The following ZNF235 variants were observed in gnomAD, a reference collection of about 807,000 sequenced individuals.
ZNF235 encodes zfp-93.
In ZNF235, 25 loss-of-function variants were observed where a neutral mutation model predicts 29.4. The ratio of observed to expected loss-of-function variants is 0.85; its 90% confidence interval spans 0.62 to 1.19. The LOEUF is 1.19. ZNF235 is among the 50% of genes most tolerant of loss of function. The probability of loss-of-function intolerance (pLI) is 0.00; values close to 1 mark genes in which losing one functional copy is unlikely to be tolerated. For synonymous variants in ZNF235, 300 were observed against 295.3 expected (o/e 1.02, Z -0.16); for missense variants, 788 against 885.0 (o/e 0.89, Z 1.39).
At chr19:44,303,368 C>A in intron 2 of ZNF235, 22 bp downstream of exon 2, 1 of 1,611,272 alleles carries the variant, frequency 6.2e-7, no homozygotes, top group South Asian at 1.1e-5. Context: ...TTTTAAGAAA[C>A]ACAAAGGCAA....
Position 44,288,527 on chromosome 19 carries a change from C to G in ZNF235, c.908G>C (p.Ser303Thr), listed in dbSNP as rs760119250. The G allele has an allele frequency of 6.2e-7, 1 of 1,614,096 alleles. No homozygotes were observed. Among genetic ancestry groups the G allele is most frequent in the Non-Finnish European group, 8.5e-7 (1 of 1,179,964 alleles). Residue 303 changes from serine (S) to threonine (T), a missense_variant, in exon 5 of 5, where the codon AGC becomes ACC. Transcript: ENST00000291182. ...ACTTTGTTGAACAGGAATACCTGAG[C>G]TATAACTGGTGTCCTTCTCATGTGT... ...CSTHEKDTSY[S>T]SGIPVQQSVR...
chr19:44,305,008 T>C lies in ZNF235; in HGVS notation c.-86A>G. The C allele has an allele frequency of 8.4e-6, 8 of 946,994 alleles. No individual in the cohort carries two copies. The highest frequency in any genetic ancestry group is 1.0e-5 in the Non-Finnish European group (8 of 794,850). 58.7% of individuals were successfully genotyped at this position (946,994 alleles called of 1,614,324 possible). Reference sequence around the variant, plus strand: ...TATCTCAGATCCGACCTCGCCTTCCTGGAGCGGAAGTGCCTCCGAGTGCCC... The same window carrying C: ...TATCTCAGATCCGACCTCGCCTTCCCGGAGCGGAAGTGCCTCCGAGTGCCC... On this transcript the variant is annotated 5_prime_UTR_variant, in exon 1 of 5. Transcript: ENST00000291182.
At chr19:44,289,463 C>T (rs1040906196) in intron 4 of ZNF235, 37 of 350,594 alleles carry the variant, frequency 1.1e-4, no homozygotes, top group Non-Finnish European at 1.8e-4. Context: ...ATGAGTCTTG[C>T]TGCCTGTGTG....
chr19:44,303,014 A>ATT (rs1975772805), intron 2 of ZNF235, among the ~76,000 whole-genome samples: 1 of 138,372 alleles, frequency 7.2e-6, no homozygotes, highest in Admixed American at 7.7e-5. Flanking sequence ...ATACGTATAT[A>ATT]TTTATATAAA....
intron 1 of ZNF235, chr19:44,304,742 G>C (rs1975805989): frequency 1.0e-6 from 1 of 985,362 alleles, no homozygotes; most frequent in Admixed American, 6.1e-5. Flanking sequence ...TGGCTGGTAG[G>C]TGCGTGAGGA....
chr19:44,302,085 A>C (rs571255879), intron 2 of ZNF235, among the ~76,000 whole-genome samples: 8 of 152,288 alleles, frequency 5.3e-5, no homozygotes, highest in African/African-American at 1.9e-4. Flanking sequence ...TTGAAACTAA[A>C]ATTACTTTCT....
Position 44,287,945 on chromosome 19 carries a change from C to A in ZNF235, c.1490G>T (p.Ser497Ile). The change falls in exon 5 of 5, where the codon AGT becomes ATT. Residue 497 changes from serine (S) to isoleucine (I), a missense_variant. Ser to Ile is a moderately radical substitution (Grantham distance 142). Coordinates refer to ENST00000291182, the MANE Select transcript of ZNF235 (RefSeq NM_004234.4). ...YKCEECGKGF[S>I]SASSFQSHQR... ...ATGGCTCTGGAAACTTGAGGCTGAA[C>A]TAAAACCCTTACCACACTCTTCACA... 6.2e-7 allele frequency: 1 copy of A among 1,614,082 alleles called. No homozygotes were observed.
intron 2 of ZNF235, among the ~76,000 whole-genome samples, chr19:44,300,900 T>A (rs1599893171): frequency 1.3e-5 from 2 of 150,386 alleles, no homozygotes; most frequent in African/African-American, 2.5e-5. Flanking sequence ...TAAAAAAATA[T>A]ATATACCTTT....
chr19:44,299,832 C>T, intron 2 of ZNF235, 100 bp from the exon 3 acceptor site: 2 of 1,586,842 alleles, frequency 1.3e-6, no homozygotes, highest in Non-Finnish European at 1.7e-6. Context: ...CTTCCACAAT[C>T]ACACCAAAAA....
intron 4 of ZNF235, among the ~76,000 whole-genome samples, chr19:44,291,994 ATTC>A (rs1376856804): frequency 2.0e-5 from 3 of 152,274 alleles, no homozygotes; most frequent in Middle Eastern, 3.4e-3. Flanking sequence ...TATTTATAAA[ATTC>A]TTAACAAAAT....
At chr19:44,303,616 C>T (rs1198368262) in intron 1 of ZNF235, among the ~76,000 whole-genome samples, 164 bp from the exon 2 acceptor site, 1 of 152,194 alleles carries the variant, frequency 6.6e-6, no homozygotes, top group Non-Finnish European at 1.5e-5. Flanking sequence ...CCCTCGGCCC[C>T]CTCAACCAGC....
chr19:44,297,683 G>A (rs998475217), intron 4 of ZNF235, among the ~76,000 whole-genome samples: 1 of 151,986 alleles, frequency 6.6e-6, no homozygotes, highest in South Asian at 2.1e-4. Flanking sequence ...GGCTGGTCTC[G>A]AACTCCCGAC....
chr19:44,299,979 A>T (rs776593426), intron 2 of ZNF235, among the ~76,000 whole-genome samples: 1 of 152,212 alleles, frequency 6.6e-6, no homozygotes, highest in Non-Finnish European at 1.5e-5. Flanking sequence ...ATTTGATAAG[A>T]AATTTTGCAT....
rs1235384203 is a variant in ZNF235, at chr19:44,299,684, GCTC to G, written c.61_63del (p.Glu21del). 5 of 1,614,132 alleles carry G rather than the reference GCTC, an allele frequency of 3.1e-6. No homozygotes were observed. The highest frequency in any genetic ancestry group is 4.2e-6 in the Non-Finnish European group (5 of 1,180,012). On this transcript the variant is annotated inframe_deletion, in exon 3 of 5. Transcript: ENST00000291182. ...CTCTGGGCAGAGTCCAGCAGCCCCA[GCTC>G]CTCCTCAGTGAAGGCCACAGCCACA...
In ZNF235 at chr19:44,286,790, A is replaced by C. The variant is rs1386117415; in HGVS notation, c.*428T>G. The C allele has an allele frequency of 1.3e-5, 2 of 155,790 alleles. No homozygotes were observed. Among genetic ancestry groups the C allele is most frequent in the African/African-American group, 4.8e-5 (2 of 41,572 alleles). The allele number at this position is 155,790 out of a possible 1,614,324, so 9.7% of individuals were successfully genotyped here. ...TCAGTAATTGCTGGGCCCTATTATG[A>C]GCCAAGCACAATTCTACATGGTAGA... On this transcript the variant is annotated 3_prime_UTR_variant, in exon 5 of 5. Transcript: ENST00000291182.
intron 4 of ZNF235, chr19:44,297,432 C>A: frequency 6.5e-6 from 1 of 153,248 alleles, no homozygotes; most frequent in South Asian, 1.8e-4. Context: ...AAAACAAAAC[C>A]AAATTAAACC....
At chr19:44,289,410 A>T (rs1975554877) in intron 4 of ZNF235, 4 of 518,076 alleles carry the variant, frequency 7.7e-6, no homozygotes, top group Non-Finnish European at 6.7e-6. Flanking sequence ...ATTTGAGATC[A>T]GCCCAGGGTA....
Position 44,289,175 on chromosome 19 carries a change from A to AT in ZNF235, c.259dup (p.Met87AsnfsTer41), listed in dbSNP as rs1233968804. ...TAATCCTGCTTTGTGAAGAGTTGCC[A>AT]TCTCATTTTGATTCCTGTCTCCTGA... On this transcript the variant is annotated frameshift_variant, in exon 5 of 5. Coordinates refer to ENST00000291182, the MANE Select transcript of ZNF235 (RefSeq NM_004234.4). LOFTEE classifies it low-confidence loss of function (END_TRUNC). 1 of 1,612,802 alleles carries AT rather than the reference A, an allele frequency of 6.2e-7. No homozygotes were observed. Among genetic ancestry groups the AT allele is most frequent in the Non-Finnish European group, 8.5e-7 (1 of 1,179,428 alleles).
chr19:44,287,848 G>T lies in ZNF235; in HGVS notation c.1587C>A (p.Tyr529Ter). Residue 529 changes from tyrosine (Y) to a stop codon, truncating the protein, a stop_gained, in exon 5 of 5, where the codon TAC becomes TAA. Coordinates refer to ENST00000291182, the MANE Select transcript of ZNF235 (RefSeq NM_004234.4). LOFTEE classifies it high-confidence loss of function. ...VCGKGFSQSS[Y>*]FQAHQRVHTG... is the part of the protein sequence containing the mutation. ...TGTGGACTCTCTGATGTGCTTGAAA[G>T]TATGAACTCTGACTGAAGCCTTTCC... 4 of 1,611,898 alleles carry T rather than the reference G, an allele frequency of 2.5e-6. No homozygotes were observed. The highest frequency in any genetic ancestry group is 3.4e-6 in the Non-Finnish European group (4 of 1,179,356).
Sources: allele counts gnomAD v4.1 joint callset (sites outside exome capture counted in the v4.1 genomes callset), GRCh38; gene constraint gnomAD v4.1.1; transcripts MANE v1.5; gene names NCBI Gene and HGNC (gene_info 2026-07-23, HGNC 2026-07-21).